CEP164: variants seen among roughly 807,000 people sequenced by gnomAD.
CEP164 encodes the protein centrosomal protein of 164 kDa.
CEP164 carries 162 observed loss-of-function variants against 182.7 expected under a neutral mutation model. The observed-to-expected ratio is 0.89, with a 90% CI of 0.78 to 1.01. The LOEUF (loss-of-function observed/expected upper bound fraction) is 1.01. Ranked by LOEUF, CEP164 falls within the 50% of genes least tolerant of loss-of-function variation. The pLI is 0.00. For missense variants in CEP164, 1,735 were observed against 1,790.4 expected, an observed-to-expected ratio of 0.97 and a Z score of 0.56; for synonymous variants, 661 against 690.0, an observed-to-expected ratio of 0.96 and a Z score of 0.66.
chr11:117,367,171 G>A (rs940467815), intron 8 of CEP164, among the ~76,000 whole-genome samples: 1 of 152,202 alleles, frequency 6.6e-6, no homozygotes, highest in African/African-American at 2.4e-5. Flanking sequence ...CAGGAGACAA[G>A]GGGGCAGGGG....
At chr11:117,410,246 T>C in intron 30 of CEP164, 6 of 569,260 alleles carry the variant, frequency 1.1e-5, no homozygotes, top group Non-Finnish European at 1.6e-5. Flanking sequence ...TTGTGGATTC[T>C]GGAGCTCAGT....
In CEP164 at chr11:117,409,619, C is replaced by T. The variant is rs1262187462; in HGVS notation, c.3750C>T (p.Ile1250=). The T allele has an allele frequency of 5.6e-6, 9 of 1,602,702 alleles. No homozygotes were observed. Among genetic ancestry groups the T allele is most frequent in the South Asian group, 1.1e-5 (1 of 90,298 alleles). ...PHREWWRQQR[I]DSTPSLTSRK... The stretch of plus-strand genomic sequence containing the variant: ...CACCATCCACCTCTTTTCTTTCAGT[C>T]GACTCAACCCCGAGTCTCACCTCCC... The change falls in exon 30 of 33, where the codon ATC becomes ATT. Residue 1250 remains isoleucine, a splice_region_variant and synonymous_variant. Coordinates refer to ENST00000278935, the MANE Select transcript of CEP164 (RefSeq NM_014956.5). This position sits in a 1 kb window ranked among gnomAD's most constrained non-coding sequence, Gnocchi z 4.4.
rs1565586036 is a variant in CEP164 at position 117,394,020 on chromosome 11, T to C, written c.2617-330T>C. On this transcript the variant is annotated intron_variant, in intron 20 of 32. Coordinates refer to ENST00000278935, the MANE Select transcript of CEP164 (RefSeq NM_014956.5). The surrounding 1 kb of genome is among the most constrained non-coding windows in gnomAD (Gnocchi z 4.0). ...CCATATCCCTTCCCCCAACCAATTA[T>C]GACCTTGCTGAAGAATAGTGATAAT... is the stretch of plus-strand genomic sequence containing the variant. Among the ~76,000 whole-genome samples the C allele has an allele frequency of 6.6e-6, 1 of 152,248 alleles. No individual in the cohort carries two copies. The highest frequency in any genetic ancestry group is 1.9e-4 in the East Asian group (1 of 5,196).
At chr11:117,381,065 C>T (rs1029233409) in intron 12 of CEP164, among the ~76,000 whole-genome samples, 1 of 152,116 alleles carries the variant, frequency 6.6e-6, no homozygotes, top group African/African-American at 2.4e-5. Flanking sequence ...CTGAAGAAAC[C>T]TTGTGGAGGT....
In CEP164 at chr11:117,355,305, C is replaced by G; in HGVS notation, c.393+3317C>G. ...TACCTGGGGTTTTCAGATCCTGAAACAGAAGAGCTGGAAATGAGAAGCAGG... is the reference window on the plus strand; with the variant it reads ...TACCTGGGGTTTTCAGATCCTGAAAGAGAAGAGCTGGAAATGAGAAGCAGG... On this transcript the variant is annotated intron_variant, in intron 5 of 32. Coordinates refer to ENST00000278935, the MANE Select transcript of CEP164 (RefSeq NM_014956.5). 3 of 1,289,814 alleles carry G rather than the reference C, an allele frequency of 2.3e-6. No homozygotes were observed. In the South Asian group the frequency reaches 3.7e-5, roughly 16 times the overall value. The allele number at this position is 1,289,814 out of a possible 1,614,324, so 79.9% of individuals were successfully genotyped here.
Position 117,409,955 on chromosome 11 carries a change from G to T in CEP164, c.4086G>T (p.Lys1362Asn). 1 of 1,614,138 alleles carries T rather than the reference G, an allele frequency of 6.2e-7. No individual in the cohort carries two copies. Among genetic ancestry groups the T allele is most frequent in the Non-Finnish European group, 8.5e-7 (1 of 1,180,030 alleles). The change falls in exon 30 of 33, where the codon AAG becomes AAT. Residue 1362 changes from lysine to asparagine, a missense_variant. By Grantham distance (94) the Lys-to-Asn change is moderately conservative. Transcript: ENST00000278935. This position sits in a 1 kb window ranked among gnomAD's most constrained non-coding sequence, Gnocchi z 4.4. ...VDDFLLEKWRKYFPSGIPLLS... is the reference protein window; with the variant it reads ...VDDFLLEKWRNYFPSGIPLLS... Reference sequence around the variant, plus strand: ...ACTTCCTGTTGGAGAAGTGGCGCAAGTATTTTCCATGTAAGCCCCACTCTG... The same window carrying T: ...ACTTCCTGTTGGAGAAGTGGCGCAATTATTTTCCATGTAAGCCCCACTCTG...
intron 27 of CEP164, among the ~76,000 whole-genome samples, chr11:117,402,399 T>A (rs1452606003): frequency 6.6e-6 from 1 of 152,090 alleles, no homozygotes; most frequent in African/African-American, 2.4e-5. Flanking sequence ...TTTTGTATTT[T>A]TAGTAGAGGC....
intron 5 of CEP164, among the ~76,000 whole-genome samples, chr11:117,358,378 T>A (rs1373457369): frequency 1.3e-5 from 2 of 151,154 alleles, no homozygotes; most frequent in Admixed American, 6.6e-5. Flanking sequence ...GTTAGCAAAT[T>A]AGCCAGCCAT....
chr11:117,358,916 C>T (rs972119511), intron 5 of CEP164, among the ~76,000 whole-genome samples: 5 of 151,702 alleles, frequency 3.3e-5, no homozygotes, highest in Non-Finnish European at 5.9e-5. Context: ...CCATCTCTGC[C>T]CCTCACTGGC....
chr11:117,377,675 A>G (rs2042899316), intron 11 of CEP164, among the ~76,000 whole-genome samples: 1 of 152,200 alleles, frequency 6.6e-6, no homozygotes, highest in Non-Finnish European at 1.5e-5. Context: ...AAGGCTTATA[A>G]CTGAGCTATA....
intron 4 of CEP164, among the ~76,000 whole-genome samples, chr11:117,348,031 A>G (rs912708915): frequency 2.0e-5 from 3 of 151,992 alleles, no homozygotes; most frequent in African/African-American, 4.8e-5. Context: ...GTACAGTGGT[A>G]TGATCATGAC....
upstream of CEP164, among the ~76,000 whole-genome samples, chr11:117,323,190 C>G (rs532529744): frequency 1.5e-4 from 23 of 152,094 alleles, no homozygotes; most frequent in African/African-American, 5.6e-4. Context: ...TATGAGCCAC[C>G]GTGCCCAGCC....
chr11:117,380,590 C>T, intron 11 of CEP164, 24 bp from the exon 12 acceptor site: 1 of 1,570,308 alleles, frequency 6.4e-7, no homozygotes, highest in Non-Finnish European at 8.6e-7. Flanking sequence ...CCAACACAAA[C>T]TTTTTATTGC....
chr11:117,378,264 C>T (rs1445403257), intron 11 of CEP164, among the ~76,000 whole-genome samples: 1 of 152,224 alleles, frequency 6.6e-6, no homozygotes, highest in Non-Finnish European at 1.5e-5. Context: ...TAGCCTTACA[C>T]AGGCAGGGAC....
chr11:117,361,101 A>AT (rs1284452919), intron 5 of CEP164, among the ~76,000 whole-genome samples: 3 of 149,988 alleles, frequency 2.0e-5, no homozygotes, highest in African/African-American at 7.4e-5. Context: ...CGCCCAGCTA[A>AT]TTTTTGTATT....
At chr11:117,340,087 G>A (rs1234143597) in intron 3 of CEP164, among the ~76,000 whole-genome samples, 4 of 151,552 alleles carry the variant, frequency 2.6e-5, no homozygotes, top group Non-Finnish European at 1.5e-5. Context: ...GGGCAGTGGC[G>A]GGATCTCTGC....
intron 11 of CEP164, among the ~76,000 whole-genome samples, chr11:117,376,578 A>T (rs2042765668): frequency 6.6e-6 from 1 of 152,212 alleles, no homozygotes; most frequent in Non-Finnish European, 1.5e-5. Context: ...GAAACAAACA[A>T]GATGTTTAAT....
rs1196393803 is a variant in CEP164, at chr11:117,411,398, G to A, written c.4164-397G>A. On this transcript the variant is annotated intron_variant, in intron 31 of 32. Transcript: ENST00000278935. This position sits in a 1 kb window ranked among gnomAD's most constrained non-coding sequence, Gnocchi z 4.4. ...TAATTTTCCATTCATCTCATTCCTT[G>A]CCAAATGTTTTCCCCTCTCCCTCCC... is the stretch of plus-strand genomic sequence containing the variant. The A allele has an allele frequency of 3.2e-5, 8 of 252,958 alleles. No individual in the cohort carries two copies. Among genetic ancestry groups the A allele is most frequent in the Non-Finnish European group, 5.4e-5 (7 of 130,154 alleles). 15.7% of individuals were successfully genotyped at this position (252,958 alleles called of 1,614,324 possible). A position where few individuals can be genotyped will look rare whatever the true frequency, so the allele number is the denominator to read the frequency against.
chr11:117,325,941 G>A (rs1488273006), upstream of CEP164, among the ~76,000 whole-genome samples: 9 of 135,730 alleles, frequency 6.6e-5, no homozygotes, highest in African/African-American at 2.2e-4. Context: ...ACGGAGTGTC[G>A]CTCTTGTTGC....
Sources: gnomAD v4.1 joint callset for allele counts (sites outside exome capture counted in the v4.1 genomes callset) on GRCh38, gnomAD v4.1.1 for gene constraint, Gnocchi (gnomAD v3.1) non-coding constraint, MANE v1.5 for transcripts, NCBI Gene and HGNC (gene_info 2026-07-23, HGNC 2026-07-21) for gene names.